CDKAL1: variants seen among roughly 807,000 people sequenced by gnomAD.
CDKAL1 encodes CDKAL1 threonylcarbamoyladenosine tRNA methylthiotransferase, also known as threonylcarbamoyladenosine tRNA methylthiotransferase.
Under a neutral mutation model 68.2 loss-of-function variants are expected in CDKAL1, and 32 were observed. The ratio of observed to expected loss-of-function variants is 0.47; its 90% CI spans 0.35 to 0.63. CDKAL1 has a LOEUF of 0.63. CDKAL1 is among the 30% of genes least tolerant of loss of function. The pLI is 0.00. For missense variants in CDKAL1, 606 were observed against 696.7 expected (o/e 0.87, Z 1.47); for synonymous variants, 234 against 244.3 (o/e 0.96, Z 0.39).
intron 9 of CDKAL1, among the ~76,000 whole-genome samples, chr6:20,869,289 T>C (rs1362385706): frequency 6.6e-6 from 1 of 152,216 alleles, no homozygotes; most frequent in African/African-American, 2.4e-5. Context: ...TTCTAAACCA[T>C]TTACCACTCT....
At chr6:21,029,707 G>A (rs373526449) in intron 11 of CDKAL1, among the ~76,000 whole-genome samples, 1 of 152,136 alleles carries the variant, frequency 6.6e-6, no homozygotes, top group African/African-American at 2.4e-5. Context: ...CATTTATACG[G>A]CCAGCAAACA....
chr6:21,029,009 C>G (rs1443867028), intron 11 of CDKAL1, among the ~76,000 whole-genome samples: 4 of 152,100 alleles, frequency 2.6e-5, no homozygotes, highest in African/African-American at 7.2e-5. Context: ...TTTCTCCTTA[C>G]ATCAAACATC....
intron 9 of CDKAL1, among the ~76,000 whole-genome samples, chr6:20,905,453 C>T (rs1485680222): frequency 3.3e-5 from 5 of 152,086 alleles, no homozygotes; most frequent in Non-Finnish European, 5.9e-5. Flanking sequence ...CCTGTGGAAC[C>T]TTACACCATG....
intron 5 of CDKAL1, among the ~76,000 whole-genome samples, chr6:20,707,416 A>T (rs1490384717): frequency 1.3e-5 from 2 of 152,232 alleles, no homozygotes; most frequent in Non-Finnish European, 2.9e-5. Context: ...TATCATGTTG[A>T]TATAACATCT....
intron 8 of CDKAL1, among the ~76,000 whole-genome samples, chr6:20,819,737 T>C (rs559161354): frequency 6.6e-6 from 1 of 152,288 alleles, no homozygotes; most frequent in Non-Finnish European, 1.5e-5. Flanking sequence ...TTCAAATGTG[T>C]TTGAGTTCCT....
chr6:20,627,560 T>C (rs1302868633), intron 4 of CDKAL1, among the ~76,000 whole-genome samples: 1 of 152,202 alleles, frequency 6.6e-6, no homozygotes, highest in Non-Finnish European at 1.5e-5. Flanking sequence ...TTGTTTTGGC[T>C]ATTTTAAGGA....
chr6:20,736,994 C>G (rs1322634724), intron 5 of CDKAL1, among the ~76,000 whole-genome samples: 1 of 152,108 alleles, frequency 6.6e-6, no homozygotes, highest in East Asian at 1.9e-4. Context: ...TCCATATTGC[C>G]CACAAAATTA....
chr6:20,947,787 T>G (rs1764322889), intron 9 of CDKAL1, among the ~76,000 whole-genome samples: 1 of 152,154 alleles, frequency 6.6e-6, no homozygotes, highest in African/African-American at 2.4e-5. Context: ...TGCAATGTGT[T>G]GAATACTGTA....
intron 3 of CDKAL1, among the ~76,000 whole-genome samples, chr6:20,547,868 G>A (rs1303541704): frequency 6.6e-6 from 1 of 152,118 alleles, no homozygotes; most frequent in Admixed American, 6.6e-5. Flanking sequence ...ATATCTGTAA[G>A]TTTTAAGGAA....
At chr6:20,838,191 A>G (rs1265498936) in intron 8 of CDKAL1, among the ~76,000 whole-genome samples, 1 of 152,108 alleles carries the variant, frequency 6.6e-6, no homozygotes, top group African/African-American at 2.4e-5. Context: ...AGGATAAATT[A>G]TATGTCTATT....
chr6:21,094,241 T>C (rs536393804), intron 12 of CDKAL1, among the ~76,000 whole-genome samples: 1 of 152,064 alleles, frequency 6.6e-6, no homozygotes, highest in South Asian at 2.1e-4. Flanking sequence ...TATCTAGTAG[T>C]AAGAAATTAC....
intron 9 of CDKAL1, among the ~76,000 whole-genome samples, chr6:20,848,525 C>G (rs1379297282): frequency 2.0e-5 from 3 of 152,054 alleles, no homozygotes; most frequent in Non-Finnish European, 2.9e-5. Flanking sequence ...GTGGGTTGGA[C>G]TAGTTAAGGC....
rs928116598 is a variant in CDKAL1, at chr6:20,573,686, T to C, written c.286+24981T>C. 2.6e-5 allele frequency among the ~76,000 whole-genome samples: 4 copies of C among 152,318 alleles called. 1 individual carries two copies. The highest frequency in any genetic ancestry group is 5.9e-5 in the Non-Finnish European group (4 of 68,000). On this transcript the variant is annotated intron_variant, in intron 4 of 15. Coordinates refer to ENST00000274695, the MANE Select transcript of CDKAL1 (RefSeq NM_017774.3). ...ACTGTTAGATTATGCTTAATATATT[T>C]ATCATTTTCTGAATTTTGGATGTTC...
At chr6:21,069,804 T>TTTTTAA (rs60342057) in intron 12 of CDKAL1, among the ~76,000 whole-genome samples, 12 of 85,476 alleles carry the variant, frequency 1.4e-4, no homozygotes, top group African/African-American at 4.5e-4. Context: ...TTTTTTTTTT[T>TTTTTAA]AAAACAGAGC....
At chr6:20,667,590 A>C (rs1428447986) in intron 5 of CDKAL1, among the ~76,000 whole-genome samples, 1 of 152,272 alleles carries the variant, frequency 6.6e-6, no homozygotes, top group East Asian at 1.9e-4. Flanking sequence ...ATACTATCAA[A>C]GACCCTAGGC....
rs912200477 is a variant in CDKAL1 at position 21,227,990 on chromosome 6, A to C, written c.1549-2858A>C. Among the ~76,000 whole-genome samples, 5 of 152,148 alleles carry C rather than the reference A, an allele frequency of 3.3e-5. 1 individual carries two copies. Among genetic ancestry groups the C allele is most frequent in the Admixed American group, 1.3e-4 (2 of 15,276 alleles). Reference sequence around the variant, plus strand: ...ACAAAACGTGTTATCAACCCAACTAAATGCTTAAGATTTTAAGACTCACCT... The same window carrying C: ...ACAAAACGTGTTATCAACCCAACTACATGCTTAAGATTTTAAGACTCACCT... On this transcript the variant is annotated intron_variant, in intron 15 of 15. Transcript: ENST00000274695.
intron 10 of CDKAL1, among the ~76,000 whole-genome samples, chr6:20,984,814 G>GGGT (rs1554152538): frequency 2.3e-5 from 1 of 42,658 alleles, no homozygotes; most frequent in African/African-American, 4.8e-5. Flanking sequence ...ACAGTAACGG[G>GGGT]GGGGGGTGGG....
intron 4 of CDKAL1, among the ~76,000 whole-genome samples, chr6:20,608,839 G>A (rs1766448952): frequency 6.6e-6 from 1 of 152,150 alleles, no homozygotes; most frequent in Admixed American, 6.5e-5. Flanking sequence ...TGCATGATAT[G>A]CTTTGTTTTT....
chr6:20,943,344 AG>A lies in CDKAL1; in HGVS notation c.743-12074del, dbSNP rs60133119. 6.1e-3 allele frequency among the ~76,000 whole-genome samples: 465 copies of A among 75,754 alleles called. 12 individuals carry two copies. Among genetic ancestry groups the A allele is most frequent in the African/African-American group, 0.022 (403 of 18,452 alleles). 49.7% of individuals were successfully genotyped at this position (75,754 alleles called of 152,430 possible). A position where few individuals can be genotyped will look rare whatever the true frequency, so the allele number is the denominator to read the frequency against. ...TTGTTTTTTCAAAAAAAAAAAAAAA[AG>A]AAAAAGAAAAAAAGAAAAAAAAAGT... On this transcript the variant is annotated intron_variant, in intron 9 of 15. Coordinates refer to ENST00000274695, the MANE Select transcript of CDKAL1 (RefSeq NM_017774.3).
Sources: allele counts gnomAD v4.1 joint callset (sites outside exome capture counted in the v4.1 genomes callset), GRCh38; gene constraint gnomAD v4.1.1; transcripts MANE v1.5; gene names NCBI Gene and HGNC (gene_info 2026-07-23, HGNC 2026-07-21).